Variants in TMCO4 observed in about 807,000 individuals in gnomAD.
TMCO4 encodes the protein transmembrane and coiled-coil domains 4.
In TMCO4, 58 loss-of-function variants were observed where a neutral mutation model predicts 64.7. That is an observed-to-expected ratio of 0.90 (90% confidence interval 0.73 to 1.12). TMCO4 has a LOEUF of 1.12. TMCO4 is among the 50% of genes most tolerant of loss of function. TMCO4 has a pLI of 0.00. For synonymous variants in TMCO4, 325 were observed against 346.1 expected, an observed-to-expected ratio of 0.94 and a Z score of 0.68; for missense variants, 780 against 825.9, an observed-to-expected ratio of 0.94 and a Z score of 0.68.
rs200250663 is a variant in TMCO4 at position 19,737,365 on chromosome 1, T to C, written c.1264+7A>G. Reference sequence around the variant, plus strand: ...GGTTTCCGTCTGTGACAATAATCCATGCTCACCTTTCTCTTGAGCCATCTC... The same window carrying C: ...GGTTTCCGTCTGTGACAATAATCCACGCTCACCTTTCTCTTGAGCCATCTC... On this transcript the variant is annotated splice_region_variant and intron_variant, in intron 13 of 15. Coordinates refer to ENST00000294543, the MANE Select transcript of TMCO4 (RefSeq NM_181719.7). The C allele has an allele frequency of 2.5e-6, 4 of 1,611,796 alleles. No individual in the cohort carries two copies. The highest frequency in any genetic ancestry group is 3.4e-6 in the Non-Finnish European group (4 of 1,178,490).
chr1:19,769,917 T>C (rs1440957151), intron 6 of TMCO4, among the ~76,000 whole-genome samples: 1 of 136,238 alleles, frequency 7.3e-6, no homozygotes, highest in Non-Finnish European at 1.7e-5. Flanking sequence ...TGCCCTGGGG[T>C]GCGTGCAAAG....
intron 7 of TMCO4, among the ~76,000 whole-genome samples, chr1:19,749,854 C>T (rs185323984): frequency 3.9e-5 from 6 of 152,340 alleles, no homozygotes; most frequent in Admixed American, 6.5e-5. Flanking sequence ...ACCTTTAATC[C>T]TGTAAGCTGC....
intron 13 of TMCO4, among the ~76,000 whole-genome samples, chr1:19,729,941 T>C (rs995761579): frequency 3.3e-5 from 5 of 152,200 alleles, no homozygotes; most frequent in Admixed American, 6.5e-5. Context: ...TTGCCTACTA[T>C]GTACCCATAC....
At chr1:19,751,229 G>A (rs1195252677) in intron 7 of TMCO4, among the ~76,000 whole-genome samples, 1 of 152,174 alleles carries the variant, frequency 6.6e-6, no homozygotes, top group Non-Finnish European at 1.5e-5. Context: ...CCACCTTGCT[G>A]CGGTGATATA....
intron 10 of TMCO4, among the ~76,000 whole-genome samples, chr1:19,742,396 G>A (rs573778227): frequency 1.3e-4 from 20 of 152,254 alleles, no homozygotes; most frequent in South Asian, 1.0e-3. Context: ...ACAGCTTCCC[G>A]GGGCAGCCTG....
rs765529375 is a variant in TMCO4, at chr1:19,739,998, G to A, written c.1043-38C>T. Reference sequence around the variant, plus strand: ...GATAGTGATGAAGGGAATGGCCCCTGTCCTAGGGTCCTACTAGGGAAGTGA... The same window carrying A: ...GATAGTGATGAAGGGAATGGCCCCTATCCTAGGGTCCTACTAGGGAAGTGA... On this transcript the variant is annotated intron_variant, in intron 11 of 15. Transcript: ENST00000294543. The A allele has an allele frequency of 3.3e-5, 52 of 1,580,858 alleles. No individual in the cohort carries two copies. In the African/African-American group the frequency reaches 6.2e-4, roughly 19 times the overall value.
chr1:19,769,736 G>C (rs964412689), intron 6 of TMCO4, among the ~76,000 whole-genome samples: 3 of 152,072 alleles, frequency 2.0e-5, no homozygotes, highest in African/African-American at 4.8e-5. Flanking sequence ...CGGGAGCTGT[G>C]GGGGTGGGGA....
intron 7 of TMCO4, among the ~76,000 whole-genome samples, chr1:19,751,025 C>T (rs79790321): frequency 0.011 from 1,726 of 152,320 alleles, 41 homozygotes; most frequent in African/African-American, 0.04. Context: ...GATTCTGTAT[C>T]GTTAACAAGT....
In TMCO4 at chr1:19,735,192, C is replaced by T. The variant is rs1342017304; in HGVS notation, c.1264+2180G>A. Among the ~76,000 whole-genome samples, 4 of 152,198 alleles carry T rather than the reference C, an allele frequency of 2.6e-5. No individual in the cohort carries two copies. In the East Asian group the frequency reaches 7.7e-4, roughly 29 times the overall value. On this transcript the variant is annotated intron_variant, in intron 13 of 15. Coordinates refer to ENST00000294543, the MANE Select transcript of TMCO4 (RefSeq NM_181719.7). ...CCACAGTTCCCTGTGCACAGTAGGT[C>T]CTCAGGTTGGAATTCAGAGGACATT...
intron 13 of TMCO4, among the ~76,000 whole-genome samples, chr1:19,711,073 A>G (rs994051379): frequency 5.9e-5 from 9 of 152,228 alleles, no homozygotes; most frequent in Admixed American, 3.9e-4. Flanking sequence ...TGAGTTAACA[A>G]TAGAACTTTG....
At chr1:19,695,067 C>T (rs1365689998) in intron 14 of TMCO4, among the ~76,000 whole-genome samples, 1 of 152,194 alleles carries the variant, frequency 6.6e-6, no homozygotes, top group African/African-American at 2.4e-5. Context: ...CCAGCTTGGC[C>T]TTCCCAGGAC....
rs1305385561 is a variant in TMCO4 at position 19,694,554 on chromosome 1, G to T, written c.1383-3C>A. 1.2e-6 allele frequency: 2 copies of T among 1,613,508 alleles called. No individual in the cohort carries two copies. Among genetic ancestry groups the T allele is most frequent in the South Asian group, 2.2e-5 (2 of 91,036 alleles). ...CGAAACTCAGCAGCCAGTCTCCCCT[G>T]TGGGAGGGTAGAGAAGCATGTGAAC... is the stretch of plus-strand genomic sequence containing the variant. On this transcript the variant is annotated splice_polypyrimidine_tract_variant and splice_region_variant and intron_variant, in intron 14 of 15. Transcript: ENST00000294543.
Position 19,747,239 on chromosome 1 carries a change from C to T in TMCO4, c.537G>A (p.Lys179=). 6.2e-7 allele frequency: 1 copy of T among 1,613,870 alleles called. No homozygotes were observed. The highest frequency in any genetic ancestry group is 8.5e-7 in the Non-Finnish European group (1 of 1,179,946). ...TCCATTTCCTCCGGTTTTCTTTCTT[C>T]TTTCGGGATGCCTCGGCCATTCTGA... ...EESEMAEASR[K]KKENRRKWKR... is the part of the protein sequence containing the mutation. Residue 179 remains lysine (K), a synonymous_variant, in exon 8 of 16, where the codon AAG becomes AAA. Coordinates refer to ENST00000294543, the MANE Select transcript of TMCO4 (RefSeq NM_181719.7).
intron 9 of TMCO4, 28 bp downstream of exon 9, chr1:19,746,428 T>G (rs771545787): frequency 4.3e-6 from 7 of 1,612,294 alleles, no homozygotes; most frequent in Non-Finnish European, 5.9e-6. Context: ...AAAATTCCTC[T>G]GAACCCATCA....
intron 3 of TMCO4, among the ~76,000 whole-genome samples, chr1:19,784,845 TAA>T (rs34693780): frequency 5.0e-4 from 49 of 97,858 alleles, no homozygotes; most frequent in African/African-American, 4.1e-4. Context: ...GCTGATGCAC[TAA>T]AAAAAAAAAA....
intron 13 of TMCO4, among the ~76,000 whole-genome samples, chr1:19,713,731 C>T (rs1413348389): frequency 6.7e-6 from 1 of 149,794 alleles, no homozygotes; most frequent in East Asian, 2.5e-4. Flanking sequence ...ACAACAACAA[C>T]AAAAACAAAA....
intron 10 of TMCO4, among the ~76,000 whole-genome samples, chr1:19,744,963 T>C (rs964204472): frequency 1.3e-5 from 2 of 151,996 alleles, no homozygotes; most frequent in African/African-American, 4.8e-5. Context: ...CAGCACTTTA[T>C]AAATACCGCT....
At position 19,771,294 on chromosome 1, in the gene TMCO4, G is replaced by C. The variant is rs780088758; in HGVS notation, c.354+14C>G. On this transcript the variant is annotated intron_variant, in intron 5 of 15. Coordinates refer to ENST00000294543, the MANE Select transcript of TMCO4 (RefSeq NM_181719.7). Reference sequence around the variant, plus strand: ...CTACTGTCCCCAGCAGCCACCACCAGGTGTTGGGTGTACCTGAGTGATCAC... The same window carrying C: ...CTACTGTCCCCAGCAGCCACCACCACGTGTTGGGTGTACCTGAGTGATCAC... 65 of 1,611,196 alleles carry C rather than the reference G, an allele frequency of 4.0e-5. No individual in the cohort carries two copies. The highest frequency in any genetic ancestry group is 1.7e-6 in the Non-Finnish European group (2 of 1,177,954).
At chr1:19,763,159 T>C (rs532706050) in intron 6 of TMCO4, among the ~76,000 whole-genome samples, 4 of 152,182 alleles carry the variant, frequency 2.6e-5, no homozygotes, top group African/African-American at 9.6e-5. Context: ...CACTGTAATC[T>C]CCGTCTCCAG....
Sources: gnomAD v4.1 joint callset for allele counts (sites outside exome capture counted in the v4.1 genomes callset) on GRCh38, gnomAD v4.1.1 for gene constraint, MANE v1.5 for transcripts, NCBI Gene and HGNC (gene_info 2026-07-23, HGNC 2026-07-21) for gene names.